Variants in FBXL7 observed in about 807,000 individuals in gnomAD.
The protein encoded by FBXL7 is F-box and leucine rich repeat protein 7.
A neutral mutation model predicts 38.3 loss-of-function variants in FBXL7; 12 were observed. The observed-to-expected ratio is 0.31, with a 90% CI of 0.20 to 0.51. The LOEUF is 0.51. Among genes scored for constraint, FBXL7 ranks in the 20% least tolerant of loss-of-function variants. The pLI, the probability that FBXL7 is intolerant of heterozygous loss-of-function variation, is 0.98. For synonymous variants in FBXL7, 297 were observed against 300.9 expected, an observed-to-expected ratio of 0.99 and a Z score of 0.13; for missense variants, 567 against 676.4, an observed-to-expected ratio of 0.84 and a Z score of 1.79.
At chr5:15,784,014 C>T (rs1250181218) in intron 2 of FBXL7, among the ~76,000 whole-genome samples, 1 of 152,042 alleles carries the variant, frequency 6.6e-6, no homozygotes, top group Non-Finnish European at 1.5e-5. Context: ...GCATGGTGGC[C>T]CCAATGAGTG....
At chr5:15,923,788 G>C (rs1417422110) in intron 2 of FBXL7, among the ~76,000 whole-genome samples, 1 of 152,102 alleles carries the variant, frequency 6.6e-6, no homozygotes, top group Non-Finnish European at 1.5e-5. Flanking sequence ...GAGACATCCA[G>C]CTTTCCTAAG....
chr5:15,766,460 C>T (rs1256081064), intron 2 of FBXL7, among the ~76,000 whole-genome samples: 3 of 152,170 alleles, frequency 2.0e-5, no homozygotes, highest in African/African-American at 7.2e-5. Context: ...ATTAGCTCTA[C>T]AGAACTGGCT....
chr5:15,701,619 TA>T (rs1034802246), intron 2 of FBXL7, among the ~76,000 whole-genome samples: 2 of 151,876 alleles, frequency 1.3e-5, no homozygotes, highest in South Asian at 2.1e-4. Context: ...GATAGACATA[TA>T]AAAAAAATTT....
At chr5:15,822,184 C>A (rs1375235549) in intron 2 of FBXL7, among the ~76,000 whole-genome samples, 1 of 134,136 alleles carries the variant, frequency 7.5e-6, no homozygotes, top group South Asian at 2.6e-4. Context: ...AAGCCCATCT[C>A]TACTAAAAAT....
At chr5:15,644,782 GA>G (rs770401175) in intron 2 of FBXL7, among the ~76,000 whole-genome samples, 1 of 152,146 alleles carries the variant, frequency 6.6e-6, no homozygotes, top group South Asian at 2.1e-4. Flanking sequence ...GTGTATGCAT[GA>G]GAAAGTAAAT....
At chr5:15,501,593 C>A (rs1167097269) in intron 1 of FBXL7, 5 of 985,472 alleles carry the variant, frequency 5.1e-6, no homozygotes, top group Admixed American at 1.2e-4. Context: ...AGCCCGCCCC[C>A]AGAGGACAGT....
intron 2 of FBXL7, among the ~76,000 whole-genome samples, chr5:15,641,712 A>G (rs947689358): frequency 6.6e-6 from 1 of 152,134 alleles, no homozygotes; most frequent in African/African-American, 2.4e-5. Context: ...CCTGAATGGA[A>G]TAAAAGGCTG....
At chr5:15,863,232 A>C (rs1378391291) in intron 2 of FBXL7, among the ~76,000 whole-genome samples, 1 of 152,216 alleles carries the variant, frequency 6.6e-6, no homozygotes, top group Non-Finnish European at 1.5e-5. Context: ...AAAGCGAGAA[A>C]TAGAAGCTTA....
At chr5:15,540,537 G>GA (rs1316799544) in intron 1 of FBXL7, among the ~76,000 whole-genome samples, 2 of 152,132 alleles carry the variant, frequency 1.3e-5, no homozygotes, top group African/African-American at 4.8e-5. Context: ...AGTGGTAGAA[G>GA]AAAAAGAATA....
In FBXL7 at chr5:15,784,579, G is replaced by T. The variant is rs540893126; in HGVS notation, c.128-143311G>T. The stretch of plus-strand genomic sequence containing the variant: ...GGTGGGAGGTGGGTCGGGGGGCGGG[G>T]ATCCCTCATGGCTTGATGCTGTCAC... On this transcript the variant is annotated intron_variant, in intron 2 of 3. Coordinates refer to ENST00000504595, the MANE Select transcript of FBXL7 (RefSeq NM_012304.5). Among the ~76,000 whole-genome samples, 3 of 152,164 alleles carry T rather than the reference G, an allele frequency of 2.0e-5. No individual in the cohort carries two copies. The East Asian group carries it at 5.8e-4, about 29-fold the overall frequency.
At chr5:15,693,008 C>T (rs963913831) in intron 2 of FBXL7, among the ~76,000 whole-genome samples, 3 of 152,162 alleles carry the variant, frequency 2.0e-5, no homozygotes, top group African/African-American at 7.2e-5. Flanking sequence ...TTAAACAAAA[C>T]AATGAGTTCC....
At chr5:15,506,232 A>G (rs1244328407) in intron 1 of FBXL7, among the ~76,000 whole-genome samples, 4 of 151,970 alleles carry the variant, frequency 2.6e-5, no homozygotes, top group African/African-American at 9.7e-5. Context: ...AAGAAGTAGA[A>G]TAAGGGTGAC....
chr5:15,701,163 C>T (rs1173711211), intron 2 of FBXL7, among the ~76,000 whole-genome samples: 2 of 152,104 alleles, frequency 1.3e-5, no homozygotes, highest in Non-Finnish European at 2.9e-5. Flanking sequence ...TCACTCACCA[C>T]TGAGACTGAA....
intron 2 of FBXL7, among the ~76,000 whole-genome samples, chr5:15,671,712 CA>C (rs745533245): frequency 3.3e-5 from 5 of 152,278 alleles, no homozygotes; most frequent in South Asian, 4.1e-4. Flanking sequence ...CAAAGTCAAA[CA>C]GTTTCAGAAT....
intron 2 of FBXL7, among the ~76,000 whole-genome samples, chr5:15,772,950 A>G (rs1736767005): frequency 6.6e-6 from 1 of 151,730 alleles, no homozygotes; most frequent in African/African-American, 2.4e-5. Flanking sequence ...ACTGGAGTGC[A>G]GTACTGAGAT....
At chr5:15,865,100 A>T (rs1739647714) in intron 2 of FBXL7, among the ~76,000 whole-genome samples, 1 of 152,178 alleles carries the variant, frequency 6.6e-6, no homozygotes, top group South Asian at 2.1e-4. Context: ...TTAAGTGGTC[A>T]TTATAACTCA....
intron 2 of FBXL7, among the ~76,000 whole-genome samples, chr5:15,926,914 T>G (rs919275575): frequency 8.6e-5 from 13 of 151,794 alleles, no homozygotes; most frequent in African/African-American, 3.1e-4. Context: ...TCACTACTCT[T>G]CCTGTCTTCT....
At chr5:15,568,196 A>C (rs1275777220) in intron 1 of FBXL7, among the ~76,000 whole-genome samples, 4 of 151,876 alleles carry the variant, frequency 2.6e-5, no homozygotes. Flanking sequence ...TGGTTGAACT[A>C]GTTTACAGTC....
At chr5:15,702,562 G>A (rs1251248906) in intron 2 of FBXL7, among the ~76,000 whole-genome samples, 6 of 151,820 alleles carry the variant, frequency 4.0e-5, no homozygotes, top group African/African-American at 1.5e-4. Flanking sequence ...GTATTTTATT[G>A]AACAATATAT....
Sources: allele counts gnomAD v4.1 joint callset (sites outside exome capture counted in the v4.1 genomes callset), GRCh38; gene constraint gnomAD v4.1.1; transcripts MANE v1.5; gene names NCBI Gene and HGNC (gene_info 2026-07-23, HGNC 2026-07-21).